The following ACCSL variants were observed in gnomAD, a reference collection of about 807,000 sequenced individuals.
ACCSL encodes the protein probable inactive 1-aminocyclopropane-1-carboxylate synthase-like protein 2.
A neutral mutation model predicts 61.7 loss-of-function variants in ACCSL; 55 were observed. That is an observed-to-expected ratio of 0.89 (90% CI 0.72 to 1.12). The LOEUF (loss-of-function observed/expected upper bound fraction) is 1.12, where lower values mean the gene tolerates loss of function less well. Ranked by LOEUF, ACCSL falls within the 50% of genes most tolerant of loss-of-function variation. ACCSL has a pLI of 0.00. For missense variants in ACCSL, 632 were observed against 698.0 expected, an observed-to-expected ratio of 0.91 and a Z score of 1.07; for synonymous variants, 258 against 264.3, an observed-to-expected ratio of 0.98 and a Z score of 0.23.
chr11:43,970,574 C>T, the ACCSL span, among the ~76,000 whole-genome samples: 1 of 152,192 alleles, frequency 6.6e-6, no homozygotes, highest in East Asian at 1.9e-4. Context: ...TAGCAACCAA[C>T]AACAATTCTT....
At position 44,050,074 on chromosome 11, in the gene ACCSL, C is replaced by T; in HGVS notation, c.517C>T (p.Leu173Phe). Residue 173 changes from leucine to phenylalanine, a missense_variant, in exon 2 of 14, where the codon CTT becomes TTT. By Grantham distance (22) the Leu-to-Phe change is conservative (BLOSUM62 0). Transcript: ENST00000378832. ...KDKNTLGFIN[L>F]GTSENKLCMD... ...CTTCCATCTCCAGGGTTTCATTAAC[C>T]TTGGCACCAGTGAGAACAAGCTCTG... The T allele has an allele frequency of 1.2e-6, 2 of 1,614,128 alleles. No homozygotes were observed. The highest frequency in any genetic ancestry group is 1.3e-5 in the African/African-American group (1 of 75,020).
chr11:44,055,115 A>T, intron 8 of ACCSL, 87 bp from the exon 9 acceptor site: 1 of 937,686 alleles, frequency 1.1e-6, no homozygotes, highest in Non-Finnish European at 1.6e-6. Context: ...ATGACTTAAG[A>T]TTACAAAGAT....
At chr11:43,964,071 TA>T in the ACCSL span, among the ~76,000 whole-genome samples, 72,703 of 150,606 alleles carry the variant, frequency 0.48, 17,933 homozygotes, top group East Asian at 0.58. Flanking sequence ...CTGAAAATAT[TA>T]AAAAAAAAAC....
the ACCSL span, among the ~76,000 whole-genome samples, chr11:44,020,857 T>A: frequency 1.3e-5 from 2 of 151,884 alleles, no homozygotes; most frequent in Non-Finnish European, 2.9e-5. Flanking sequence ...TAGCTCCCAC[T>A]TACAAATGAG....
chr11:43,975,384 A>G, the ACCSL span, among the ~76,000 whole-genome samples: 36 of 152,338 alleles, frequency 2.4e-4, no homozygotes, highest in African/African-American at 8.7e-4. Context: ...AATGAGATAT[A>G]AGATATGACT....
At chr11:43,983,472 TG>T in the ACCSL span, among the ~76,000 whole-genome samples, 1 of 152,134 alleles carries the variant, frequency 6.6e-6, no homozygotes, top group Admixed American at 6.5e-5. Context: ...GGGTTATACC[TG>T]AAGGGCAAGG....
At chr11:43,921,221 T>C in the ACCSL span, 1 of 152,222 alleles carries the variant, frequency 6.6e-6, no homozygotes, top group Non-Finnish European at 1.5e-5. Context: ...GGCTGTAAGA[T>C]TGATGCTGTC....
At chr11:43,982,117 G>T in the ACCSL span, among the ~76,000 whole-genome samples, 2 of 152,044 alleles carry the variant, frequency 1.3e-5, no homozygotes, top group South Asian at 4.2e-4. Context: ...CTGCAGCCTG[G>T]GAGCTGTGGA....
chr11:43,963,157 G>C, the ACCSL span, among the ~76,000 whole-genome samples: 1 of 152,182 alleles, frequency 6.6e-6, no homozygotes, highest in African/African-American at 2.4e-5. Flanking sequence ...GATGGACGTT[G>C]GTTTGTGCCC....
In ACCSL at chr11:44,048,065, T is replaced by A. The variant is rs1191648756; in HGVS notation, c.29T>A (p.Val10Glu). The change falls in exon 1 of 14, where the codon GTG (valine) becomes GAG (glutamate). Residue 10 changes from valine (V) to glutamate (E), a missense_variant. By Grantham distance (121) the Val-to-Glu change is moderately radical. Coordinates refer to ENST00000378832, the MANE Select transcript of ACCSL (RefSeq NM_001031854.2). MSHRSDTLP[V>E]PSGQRRGRVP... ...AGTCATCGGTCAGACACCCTTCCTG[T>A]GCCCTCTGGTCAGAGGAGAGGCCGG... 8.7e-6 allele frequency: 14 copies of A among 1,613,226 alleles called. No homozygotes were observed. In the Admixed American group the frequency reaches 1.8e-4, roughly 21 times the overall value.
At chr11:43,961,413 G>A in the ACCSL span, among the ~76,000 whole-genome samples, 1 of 152,036 alleles carries the variant, frequency 6.6e-6, no homozygotes, top group Non-Finnish European at 1.5e-5. Context: ...CCTTCTTATC[G>A]ATTGATGGGC....
chr11:44,024,086 A>T, the ACCSL span, among the ~76,000 whole-genome samples: 4 of 152,234 alleles, frequency 2.6e-5, no homozygotes, highest in Non-Finnish European at 2.9e-5. Flanking sequence ...CATTTGAATC[A>T]GTGGACTCAA....
At chr11:43,989,342 A>G in the ACCSL span, among the ~76,000 whole-genome samples, 1 of 152,208 alleles carries the variant, frequency 6.6e-6, no homozygotes, top group African/African-American at 2.4e-5. Context: ...TGGGTTGCAG[A>G]CAGTCGGAGC....
the ACCSL span, among the ~76,000 whole-genome samples, chr11:43,977,715 A>G: frequency 1.3e-5 from 2 of 152,250 alleles, no homozygotes; most frequent in African/African-American, 2.4e-5. Flanking sequence ...CATCCTGCCT[A>G]AAGATCCCAC....
chr11:44,004,825 T>G, the ACCSL span, among the ~76,000 whole-genome samples: 1 of 152,200 alleles, frequency 6.6e-6, no homozygotes, highest in African/African-American at 2.4e-5. Context: ...GGGACCAGAA[T>G]GTACATTTTA....
the ACCSL span, among the ~76,000 whole-genome samples, chr11:44,003,219 G>A: frequency 1.3e-5 from 2 of 152,184 alleles, no homozygotes; most frequent in Non-Finnish European, 2.9e-5. Flanking sequence ...AGCAGGTCAC[G>A]GAAGTCACCT....
chr11:44,022,172 T>C, the ACCSL span, among the ~76,000 whole-genome samples: 1 of 152,150 alleles, frequency 6.6e-6, no homozygotes, highest in Admixed American at 6.5e-5. Flanking sequence ...GGTATTTTGA[T>C]GGGAATTGCA....
chr11:44,042,494 A>T, the ACCSL span, among the ~76,000 whole-genome samples: 2 of 150,176 alleles, frequency 1.3e-5, no homozygotes, highest in Admixed American at 6.6e-5. Context: ...TTTTATTTTT[A>T]TTTTTTTTTG....
intron 13 of ACCSL, among the ~76,000 whole-genome samples, chr11:44,059,165 C>G (rs1401713129): frequency 1.3e-5 from 2 of 152,186 alleles, no homozygotes; most frequent in Admixed American, 6.5e-5. Context: ...TTGCTTGAAC[C>G]TGGGAGGTGG....
Sources: allele counts gnomAD v4.1 joint callset (sites outside exome capture counted in the v4.1 genomes callset), GRCh38; gene constraint gnomAD v4.1.1; transcripts MANE v1.5; gene names NCBI Gene and HGNC (gene_info 2026-07-23, HGNC 2026-07-21).